Variants in CEP89 observed in about 807,000 individuals in gnomAD.
The protein encoded by CEP89 is centrosomal protein of 89 kDa.
In CEP89, 95 loss-of-function variants were observed where a neutral mutation model predicts 97.6. The observed-to-expected ratio is 0.97, with a 90% CI of 0.82 to 1.15. The LOEUF (loss-of-function observed/expected upper bound fraction) is 1.15, where lower values mean the gene tolerates loss of function less well. Ranked by LOEUF, CEP89 falls within the 50% of genes most tolerant of loss-of-function variation. CEP89 has a pLI of 0.00. For missense variants in CEP89, 869 were observed against 947.7 expected (o/e 0.92, Z 1.09); for synonymous variants, 354 against 349.1 (o/e 1.01, Z -0.16).
At chr19:32,919,402 A>C (rs769456658) in intron 12 of CEP89, among the ~76,000 whole-genome samples, 4 of 152,202 alleles carry the variant, frequency 2.6e-5, no homozygotes, top group Non-Finnish European at 4.4e-5. Context: ...GCAGTAAATA[A>C]TCTCGATTTT....
chr19:32,941,006 C>T (rs1970677074), intron 5 of CEP89, among the ~76,000 whole-genome samples: 1 of 152,134 alleles, frequency 6.6e-6, no homozygotes, highest in Admixed American at 6.5e-5. Flanking sequence ...GATAATCCAC[C>T]TGCCTCGGCC....
rs558659600 is a variant in CEP89, at chr19:32,918,182, G to T, written c.1384+42C>A. The T allele has an allele frequency of 1.6e-4, 227 of 1,433,726 alleles. No homozygotes were observed. The South Asian group carries it at 2.4e-3, about 15-fold the overall frequency. The allele number at this position is 1,433,726 out of a possible 1,614,324, so 88.8% of individuals were successfully genotyped here. A position where few individuals can be genotyped will look rare whatever the true frequency, so the allele number is the denominator to read the frequency against. On this transcript the variant is annotated intron_variant, in intron 13 of 18. Coordinates refer to ENST00000305768, the MANE Select transcript of CEP89 (RefSeq NM_032816.5). ...GAGATAGAAGGGTAAAATGACAATA[G>T]TGACATCAATGCATGACCAGTCCTC...
chr19:32,945,051 C>T lies in CEP89; in HGVS notation c.595+3215G>A, dbSNP rs141456454. On this transcript the variant is annotated intron_variant, in intron 5 of 18. Transcript: ENST00000305768. ...TCCAAGGATCACCCACAACAGACTC[C>T]TCTGTGTACTTGTGAAAAGTACAGA... 3.5e-4 allele frequency among the ~76,000 whole-genome samples: 54 copies of T among 152,290 alleles called. No individual in the cohort carries two copies. The East Asian group carries it at 6.4e-3, about 18-fold the overall frequency.
chr19:32,889,375 C>A (rs566757507), intron 16 of CEP89, among the ~76,000 whole-genome samples: 1 of 152,262 alleles, frequency 6.6e-6, no homozygotes, highest in African/African-American at 2.4e-5. Flanking sequence ...ACAGGTGGAG[C>A]CAGGATGGAA....
Position 32,959,975 on chromosome 19 carries a change from G to C in CEP89, c.230C>G (p.Ser77Cys). ...AIPQPRQRSRSESDVSSVEQD... is the reference protein window; with the variant it reads ...AIPQPRQRSRCESDVSSVEQD... ...TTCAACACTGCTCACATCACTCTCA[G>C]ACCGGGACCTCTGGCGAGGCTGAGG... Residue 77 changes from serine (S) to cysteine (C), a missense_variant, in exon 3 of 19, where the codon TCT becomes TGT. Transcript: ENST00000305768. 1 of 1,614,206 alleles carries C rather than the reference G, an allele frequency of 6.2e-7. No individual in the cohort carries two copies. The highest frequency in any genetic ancestry group is 1.1e-5 in the South Asian group (1 of 91,084).
chr19:32,935,554 G>C (rs894472654), intron 7 of CEP89, among the ~76,000 whole-genome samples: 1 of 152,226 alleles, frequency 6.6e-6, no homozygotes, highest in Admixed American at 6.5e-5. Context: ...TGGCGCAGAA[G>C]TTGGAGCCCC....
intron 4 of CEP89, among the ~76,000 whole-genome samples, chr19:32,952,410 G>A (rs1970939982): frequency 6.6e-6 from 1 of 151,634 alleles, no homozygotes; most frequent in Non-Finnish European, 1.5e-5. Flanking sequence ...GAGCCCAGGA[G>A]GAGGTGGCTA....
intron 11 of CEP89, among the ~76,000 whole-genome samples, chr19:32,924,855 A>C (rs947988682): frequency 7.2e-5 from 11 of 152,178 alleles, no homozygotes; most frequent in Non-Finnish European, 1.5e-4. Flanking sequence ...GAGCAGGTGC[A>C]AACAGAAACT....
chr19:32,912,278 G>A (rs533774778), intron 14 of CEP89, among the ~76,000 whole-genome samples: 2 of 152,052 alleles, frequency 1.3e-5, no homozygotes, highest in East Asian at 1.9e-4. Flanking sequence ...ACCTTGGCTC[G>A]GCTATGGTGC....
chr19:32,888,023 G>T (rs1969436156), intron 16 of CEP89, among the ~76,000 whole-genome samples, 182 bp from the exon 17 acceptor site: 1 of 152,218 alleles, frequency 6.6e-6, no homozygotes, highest in Non-Finnish European at 1.5e-5. Flanking sequence ...TTGAGGATGG[G>T]CAGGAACAGG....
intron 14 of CEP89, among the ~76,000 whole-genome samples, chr19:32,906,718 T>A (rs978095900): frequency 6.7e-6 from 1 of 149,448 alleles, no homozygotes; most frequent in African/African-American, 2.4e-5. Context: ...CATATATAGA[T>A]ATATATATAA....
chr19:32,959,726 T>C (rs1470255373), intron 3 of CEP89, among the ~76,000 whole-genome samples, 174 bp downstream of exon 3: 2 of 152,008 alleles, frequency 1.3e-5, no homozygotes, highest in Non-Finnish European at 2.9e-5. Context: ...TTGACATTGG[T>C]GATGAAAACC....
chr19:32,931,693 T>C (rs1444600423), intron 8 of CEP89, 122 bp from the exon 9 acceptor site: 2 of 718,332 alleles, frequency 2.8e-6, no homozygotes, highest in Non-Finnish European at 4.4e-6. Context: ...GAACTGTGTG[T>C]GCGTGTGTGT....
chr19:32,940,753 G>C (rs1970671021), intron 5 of CEP89, among the ~76,000 whole-genome samples: 1 of 151,172 alleles, frequency 6.6e-6, no homozygotes, highest in Non-Finnish European at 1.5e-5. Flanking sequence ...TAAAAAGTTG[G>C]ACATCGAGTT....
At chr19:32,914,054 A>G (rs1970069425) in intron 14 of CEP89, among the ~76,000 whole-genome samples, 1 of 152,158 alleles carries the variant, frequency 6.6e-6, no homozygotes, top group African/African-American at 2.4e-5. Context: ...AGTCCCAGCT[A>G]CTTGTGGGGC....
intron 11 of CEP89, 38 bp from the exon 12 acceptor site, chr19:32,923,580 C>A (rs780499687): frequency 7.4e-6 from 9 of 1,220,514 alleles, no homozygotes; most frequent in Middle Eastern, 1.9e-4. Context: ...CACACACATA[C>A]CCACGCATCT....
At chr19:32,925,490 T>TA (rs1970337482) in intron 11 of CEP89, among the ~76,000 whole-genome samples, 1 of 139,770 alleles carries the variant, frequency 7.2e-6, no homozygotes. Flanking sequence ...TAGCCCTTTT[T>TA]TTTTTTTTTT....
intron 5 of CEP89, 99 bp downstream of exon 5, chr19:32,948,167 G>C: frequency 1.6e-6 from 1 of 612,850 alleles, no homozygotes; most frequent in East Asian, 2.8e-5. Flanking sequence ...CAGAGCTACA[G>C]CATGAAGGGG....
intron 7 of CEP89, among the ~76,000 whole-genome samples, chr19:32,935,017 G>A (rs1409175172): frequency 6.6e-6 from 1 of 152,220 alleles, no homozygotes; most frequent in Non-Finnish European, 1.5e-5. Context: ...GAGCTGTTGA[G>A]TTAGATAACC....
Sources: allele counts gnomAD v4.1 joint callset (sites outside exome capture counted in the v4.1 genomes callset), GRCh38; gene constraint gnomAD v4.1.1; transcripts MANE v1.5; gene names NCBI Gene and HGNC (gene_info 2026-07-23, HGNC 2026-07-21).